The following ACAP2 variants were observed in gnomAD, a reference collection of about 807,000 sequenced individuals.
ACAP2 encodes arf-GAP with coiled-coil, ANK repeat and PH domain-containing protein 2.
A neutral mutation model predicts 115.8 loss-of-function variants in ACAP2; 39 were observed. The observed-to-expected ratio is 0.34, with a 90% CI of 0.26 to 0.44. The LOEUF (loss-of-function observed/expected upper bound fraction) is 0.44, where lower values mean the gene tolerates loss of function less well. Among genes scored for constraint, ACAP2 ranks in the 20% least tolerant of loss-of-function variants. The pLI, the probability that ACAP2 is intolerant of heterozygous loss-of-function variation, is 1.00. For missense variants in ACAP2, 662 were observed against 927.6 expected, an observed-to-expected ratio of 0.71 and a Z score of 3.72; for synonymous variants, 289 against 315.8, an observed-to-expected ratio of 0.92 and a Z score of 0.90.
intron 9 of ACAP2, among the ~76,000 whole-genome samples, chr3:195,323,031 T>C (rs938227134): frequency 1.3e-5 from 2 of 152,072 alleles, no homozygotes; most frequent in African/African-American, 2.4e-5. Flanking sequence ...GAGTGAAAAC[T>C]GGAATTCAAA....
At chr3:195,344,787 G>A (rs1560267663) in intron 5 of ACAP2, among the ~76,000 whole-genome samples, 1 of 152,316 alleles carries the variant, frequency 6.6e-6, no homozygotes, top group East Asian at 1.9e-4. Context: ...CCAAAGTGCT[G>A]GGATTACAGG....
chr3:195,314,527 C>G (rs1366408017), intron 10 of ACAP2, among the ~76,000 whole-genome samples: 1 of 152,174 alleles, frequency 6.6e-6, no homozygotes, highest in Non-Finnish European at 1.5e-5. Flanking sequence ...CCTCGGCCTC[C>G]CAAAGTGCTG....
intron 4 of ACAP2, among the ~76,000 whole-genome samples, chr3:195,361,745 G>A (rs936505634): frequency 6.6e-6 from 1 of 151,832 alleles, no homozygotes; most frequent in African/African-American, 2.4e-5. Flanking sequence ...ACAAAAAGTT[G>A]GTTTTTCAAA....
At position 195,292,259 on chromosome 3, in the gene ACAP2, G is replaced by C. The variant is rs913974240; in HGVS notation, c.1953+6C>G. On this transcript the variant is annotated splice_donor_region_variant and intron_variant, in intron 19 of 22. Coordinates refer to ENST00000326793, the MANE Select transcript of ACAP2 (RefSeq NM_012287.6). ...CTACTGAAAATGTCATTGTATAAAC[G>C]CATACCCCTAATACAGCCTGAATAA... is the stretch of plus-strand genomic sequence containing the variant. The C allele has an allele frequency of 1.3e-6, 2 of 1,569,694 alleles. No individual in the cohort carries two copies. The highest frequency in any genetic ancestry group is 1.7e-6 in the Non-Finnish European group (2 of 1,165,674).
intron 4 of ACAP2, among the ~76,000 whole-genome samples, chr3:195,347,578 G>C (rs1731265245): frequency 6.6e-6 from 1 of 152,212 alleles, no homozygotes; most frequent in Admixed American, 6.5e-5. Context: ...AGTGGTATGG[G>C]AGAACTTTCT....
intron 1 of ACAP2, among the ~76,000 whole-genome samples, chr3:195,436,090 TACACAC>T (rs969367107): frequency 4.7e-5 from 7 of 150,532 alleles, no homozygotes; most frequent in African/African-American, 1.7e-4. Context: ...TTTATACACA[TACACAC>T]ACACAGATAT....
At chr3:195,420,937 C>A (rs947524308) in intron 1 of ACAP2, among the ~76,000 whole-genome samples, 4 of 152,150 alleles carry the variant, frequency 2.6e-5, no homozygotes, top group African/African-American at 9.7e-5. Flanking sequence ...AGCCGCCGCA[C>A]CTGGCCCTAT....
rs1198432231 is a variant in ACAP2 at position 195,442,776 on chromosome 3, G to T, written c.53+19C>A. On this transcript the variant is annotated intron_variant, in intron 1 of 22. Transcript: ENST00000326793. ...GGGAAGGCAGCTCCGCGGTGACGCC[G>T]GGCGGCCGTGCCGGTTACCTGAAGC... The T allele has an allele frequency of 1.3e-6, 2 of 1,527,312 alleles. No individual in the cohort carries two copies. Among genetic ancestry groups the T allele is most frequent in the Non-Finnish European group, 1.8e-6 (2 of 1,137,408 alleles). 94.6% of individuals were successfully genotyped at this position (1,527,312 alleles called of 1,614,324 possible).
intron 9 of ACAP2, 41 bp from the exon 10 acceptor site, chr3:195,320,854 T>TAGGA: frequency 1.5e-6 from 2 of 1,366,072 alleles, no homozygotes; most frequent in Non-Finnish European, 2.1e-6. Flanking sequence ...ATGACTTGAC[T>TAGGA]AAGTTTCCTA....
chr3:195,335,703 A>G (rs1730454250), intron 7 of ACAP2, among the ~76,000 whole-genome samples: 2 of 152,202 alleles, frequency 1.3e-5, no homozygotes, highest in African/African-American at 2.4e-5. Context: ...CTGATAAGAT[A>G]TAACACAAAT....
intron 1 of ACAP2, among the ~76,000 whole-genome samples, chr3:195,409,408 A>G (rs1713065182): frequency 6.6e-6 from 1 of 152,188 alleles, no homozygotes; most frequent in Admixed American, 6.5e-5. Flanking sequence ...TGTACAATAG[A>G]AACTATAAGG....
At chr3:195,335,079 A>C (rs1730415007) in intron 7 of ACAP2, among the ~76,000 whole-genome samples, 1 of 152,218 alleles carries the variant, frequency 6.6e-6, no homozygotes, top group African/African-American at 2.4e-5. Flanking sequence ...AAAGGCAATG[A>C]AAATATATGA....
At chr3:195,412,510 G>T (rs964252315) in intron 1 of ACAP2, among the ~76,000 whole-genome samples, 3 of 152,112 alleles carry the variant, frequency 2.0e-5, no homozygotes, top group Non-Finnish European at 2.9e-5. Context: ...TACTCAGGAG[G>T]CTGAGGCAGG....
chr3:195,330,496 C>G (rs1322316174), intron 8 of ACAP2, among the ~76,000 whole-genome samples: 2 of 152,116 alleles, frequency 1.3e-5, no homozygotes, highest in Non-Finnish European at 2.9e-5. Context: ...ACTCATACTG[C>G]TTTTATAAAT....
At chr3:195,329,449 T>C (rs1460394898) in intron 8 of ACAP2, among the ~76,000 whole-genome samples, 1 of 152,160 alleles carries the variant, frequency 6.6e-6, no homozygotes, top group African/African-American at 2.4e-5. Context: ...TCTTTCTCCT[T>C]TTCAACTTCT....
intron 9 of ACAP2, 146 bp from the exon 10 acceptor site, chr3:195,320,959 C>T (rs1729408840): frequency 1.9e-6 from 1 of 532,900 alleles, no homozygotes; most frequent in Non-Finnish European, 3.4e-6. Flanking sequence ...TGAAGGGGGA[C>T]TTAAATGATC....
chr3:195,342,704 A>T, intron 5 of ACAP2, 50 bp from the exon 6 acceptor site: 1 of 1,499,438 alleles, frequency 6.7e-7, no homozygotes, highest in Non-Finnish European at 8.9e-7. Flanking sequence ...TTCATTAAAA[A>T]ACTTTAGCAG....
intron 4 of ACAP2, among the ~76,000 whole-genome samples, chr3:195,358,424 T>A (rs1360852980): frequency 1.3e-5 from 2 of 152,130 alleles, no homozygotes; most frequent in Non-Finnish European, 2.9e-5. Context: ...AATGGAGATA[T>A]GTGACCTTTC....
At chr3:195,335,496 A>C (rs1730441353) in intron 7 of ACAP2, among the ~76,000 whole-genome samples, 4 of 152,228 alleles carry the variant, frequency 2.6e-5, no homozygotes, top group African/African-American at 9.6e-5. Context: ...GCACACACAC[A>C]GAAAGAGAGA....
Sources: gnomAD v4.1 joint callset for allele counts (sites outside exome capture counted in the v4.1 genomes callset) on GRCh38, gnomAD v4.1.1 for gene constraint, MANE v1.5 for transcripts, NCBI Gene and HGNC (gene_info 2026-07-23, HGNC 2026-07-21) for gene names.